DHRSX: variants seen among roughly 807,000 people sequenced by gnomAD.
The protein encoded by DHRSX is polyprenol dehydrogenase.
Under a neutral mutation model 34.0 loss-of-function variants are expected in DHRSX, and 31 were observed. That is an observed-to-expected ratio of 0.91 (90% CI 0.69 to 1.23). The LOEUF (loss-of-function observed/expected upper bound fraction) is 1.23. Among genes scored for constraint, DHRSX ranks in the 50% most tolerant of loss-of-function variants. The pLI, the probability that DHRSX is intolerant of heterozygous loss-of-function variation, is 0.00. For synonymous variants in DHRSX, 201 were observed against 183.8 expected (o/e 1.09, Z -0.76); for missense variants, 414 against 428.1 (o/e 0.97, Z 0.29).
intron 2 of DHRSX, among the ~76,000 whole-genome samples, chrX:2,420,045 A>T (rs28430907): frequency 0.013 from 2,014 of 152,226 alleles, 34 homozygotes; most frequent in African/African-American, 0.046. Flanking sequence ...CCAAGACAGG[A>T]GAGTTAGGGA....
chrX:2,325,062 C>T (rs1224426655), intron 3 of DHRSX, among the ~76,000 whole-genome samples: 2 of 151,896 alleles, frequency 1.3e-5, no homozygotes, highest in South Asian at 4.2e-4. Context: ...GTGTGAGCCA[C>T]TGCGCCCGGC....
chrX:2,362,908 A>G (rs1040106138), intron 3 of DHRSX, among the ~76,000 whole-genome samples: 4 of 117,516 alleles, frequency 3.4e-5, no homozygotes, highest in Non-Finnish European at 8.0e-5. Flanking sequence ...TCACCGTTCT[A>G]TGGTATCATG....
intron 1 of DHRSX, among the ~76,000 whole-genome samples, chrX:2,427,418 T>C (rs967621718): frequency 6.6e-6 from 1 of 152,270 alleles, no homozygotes; most frequent in Admixed American, 6.5e-5. Context: ...AGAATCCACT[T>C]GAGCTGGAGG....
intron 1 of DHRSX, among the ~76,000 whole-genome samples, chrX:2,494,674 G>A (rs1488546271): frequency 6.6e-6 from 1 of 151,726 alleles, no homozygotes; most frequent in Admixed American, 6.6e-5. Flanking sequence ...CCAGTACCTG[G>A]ACCAAAGGTC....
chrX:2,246,752 A>G (rs868466816), intron 5 of DHRSX, among the ~76,000 whole-genome samples: 1 of 141,550 alleles, frequency 7.1e-6, no homozygotes, highest in South Asian at 2.3e-4. Flanking sequence ...AAGAAAGAAA[A>G]AGAAAGAAAA....
chrX:2,290,329 C>T (rs2041851559), intron 4 of DHRSX, among the ~76,000 whole-genome samples: 1 of 152,176 alleles, frequency 6.6e-6, no homozygotes, highest in Non-Finnish European at 1.5e-5. Flanking sequence ...CACATCTTGG[C>T]AGCTGGAAAC....
chrX:2,396,086 C>T (rs1270563386), intron 3 of DHRSX, among the ~76,000 whole-genome samples: 1 of 151,998 alleles, frequency 6.6e-6, no homozygotes, highest in Non-Finnish European at 1.5e-5. Context: ...TCCAGGAGTC[C>T]CTGGGTTTGT....
At chrX:2,409,817 C>A (rs1051837601) in intron 2 of DHRSX, among the ~76,000 whole-genome samples, 18 of 151,948 alleles carry the variant, frequency 1.2e-4, no homozygotes, top group Non-Finnish European at 2.4e-4. Flanking sequence ...GCAACCTCCA[C>A]CTCTCTGATT....
chrX:2,221,067 T>C lies in DHRSX; in HGVS notation c.967A>G (p.Thr323Ala), dbSNP rs1391107031. The change falls in exon 7 of 7, where the codon ACT (threonine) becomes GCT (alanine). Residue 323 changes from threonine (T) to alanine (A), a missense_variant. By Grantham distance (58) the Thr-to-Ala change is moderately conservative. Coordinates refer to ENST00000334651, the MANE Select transcript of DHRSX (RefSeq NM_145177.3). ...QQLWSKSCEM[T>A]GVLDVTL is the part of the protein sequence containing the mutation. ...CACAGGGTCACATCAAGGACCCCAGTCATCTCACAACTCTTAGACCACAGC... is the reference window on the plus strand; with the variant it reads ...CACAGGGTCACATCAAGGACCCCAGCCATCTCACAACTCTTAGACCACAGC... The C allele has an allele frequency of 6.2e-7, 1 of 1,613,850 alleles. No individual in the cohort carries two copies. Among genetic ancestry groups the C allele is most frequent in the Non-Finnish European group, 8.5e-7 (1 of 1,179,814 alleles).
chrX:2,421,623 G>A (rs2043781226), intron 2 of DHRSX, among the ~76,000 whole-genome samples: 1 of 152,132 alleles, frequency 6.6e-6, no homozygotes, highest in Non-Finnish European at 1.5e-5. Context: ...GCATCAGCAA[G>A]GTTAGCATTT....
At chrX:2,380,332 C>T in intron 3 of DHRSX, among the ~76,000 whole-genome samples, 1 of 132,244 alleles carries the variant, frequency 7.6e-6, no homozygotes, top group African/African-American at 2.8e-5. Context: ...AAAAAGACTG[C>T]ATTGCAGGAT....
Position 2,325,480 on chromosome X carries a change from T to G in DHRSX, c.287-33877A>C, listed in dbSNP as rs564253775. Among the ~76,000 whole-genome samples the G allele has an allele frequency of 2.3e-4, 35 of 152,216 alleles. No homozygotes were observed. In the South Asian group the frequency reaches 7.0e-3, roughly 31 times the overall value. ...TTCAAGACAGTGGCTCCATCTTCCCTCCTCTTTGTCAGCCACATGTAAAGT... is the reference window on the plus strand; with the variant it reads ...TTCAAGACAGTGGCTCCATCTTCCCGCCTCTTTGTCAGCCACATGTAAAGT... On this transcript the variant is annotated intron_variant, in intron 3 of 6. Transcript: ENST00000334651.
chrX:2,389,536 G>T (rs2043311070), intron 3 of DHRSX, among the ~76,000 whole-genome samples: 1 of 152,162 alleles, frequency 6.6e-6, no homozygotes. Context: ...TGCTTGGCGT[G>T]CTGGACACGT....
At chrX:2,345,655 C>CA (rs71309483) in intron 3 of DHRSX, among the ~76,000 whole-genome samples, 7,280 of 118,450 alleles carry the variant, frequency 0.061, 572 homozygotes, top group African/African-American at 0.2. Flanking sequence ...AACTCTGTCT[C>CA]AAAAAAAAAA....
In DHRSX at chrX:2,374,608, A is replaced by G. The variant is rs1401714829; in HGVS notation, c.286+34137T>C. ...ACAAAAATTAGCCAGGCATAGTGGTACATGCCTGTAATCCCAGCTACTTGG... is the reference window on the plus strand; with the variant it reads ...ACAAAAATTAGCCAGGCATAGTGGTGCATGCCTGTAATCCCAGCTACTTGG... On this transcript the variant is annotated intron_variant, in intron 3 of 6. Transcript: ENST00000334651. Among the ~76,000 whole-genome samples the G allele has an allele frequency of 1.9e-4, 26 of 134,592 alleles. 2 individuals carry two copies. Among genetic ancestry groups the G allele is most frequent in the African/African-American group, 6.5e-4 (26 of 40,114 alleles). 88.3% of individuals were successfully genotyped at this position (134,592 alleles called of 152,430 possible). A position where few individuals can be genotyped will look rare whatever the true frequency, so the allele number is the denominator to read the frequency against.
intron 3 of DHRSX, among the ~76,000 whole-genome samples, chrX:2,389,008 T>C (rs1275672076): frequency 3.3e-5 from 5 of 152,204 alleles, no homozygotes; most frequent in Non-Finnish European, 5.9e-5. Context: ...CTCAGACATG[T>C]AGCCTCTACA....
chrX:2,366,457 G>GAA (rs1362609224), intron 3 of DHRSX, among the ~76,000 whole-genome samples: 1 of 151,504 alleles, frequency 6.6e-6, no homozygotes, highest in East Asian at 1.9e-4. Context: ...AAAAAGAAAA[G>GAA]AAAAGAAAAA....
intron 5 of DHRSX, among the ~76,000 whole-genome samples, chrX:2,265,773 G>T (rs781001192): frequency 1.4e-5 from 2 of 141,620 alleles, no homozygotes; most frequent in East Asian, 4.5e-4. Context: ...GCAGACGCAG[G>T]GAGCACTGTC....
intron 5 of DHRSX, among the ~76,000 whole-genome samples, chrX:2,251,798 GAAAT>G (rs2016439863): frequency 6.6e-6 from 1 of 152,112 alleles, no homozygotes; most frequent in Non-Finnish European, 1.5e-5. Flanking sequence ...TGCTGCCTTA[GAAAT>G]AAATAAGGGC....
Sources: gnomAD v4.1 joint callset for allele counts (sites outside exome capture counted in the v4.1 genomes callset) on GRCh38, gnomAD v4.1.1 for gene constraint, MANE v1.5 for transcripts, NCBI Gene and HGNC (gene_info 2026-07-23, HGNC 2026-07-21) for gene names.